Variants in UNC5D observed in about 807,000 individuals in gnomAD.
The protein encoded by UNC5D is netrin receptor UNC5D.
Under a neutral mutation model 105.4 loss-of-function variants are expected in UNC5D, and 39 were observed. The observed-to-expected ratio is 0.37, with a 90% CI of 0.29 to 0.48. The LOEUF is 0.48. UNC5D is among the 20% of genes least tolerant of loss of function. The pLI is 0.98. For synonymous variants in UNC5D, 452 were observed against 450.4 expected (o/e 1.00, Z -0.04); for missense variants, 991 against 1,202.4 (o/e 0.82, Z 2.60).
chr8:35,355,555 T>G (rs928561833), intron 1 of UNC5D, among the ~76,000 whole-genome samples: 1 of 152,078 alleles, frequency 6.6e-6, no homozygotes, highest in African/African-American at 2.4e-5. Context: ...TCAAGCAGAG[T>G]GAAGTATCCT....
intron 1 of UNC5D, among the ~76,000 whole-genome samples, chr8:35,506,447 T>C (rs752658612): frequency 3.9e-5 from 6 of 152,186 alleles, no homozygotes; most frequent in Non-Finnish European, 8.8e-5. Flanking sequence ...ATAAAGAATG[T>C]ACTAGATAGA....
chr8:35,346,482 C>T, intron 1 of UNC5D, among the ~76,000 whole-genome samples: 1 of 151,894 alleles, frequency 6.6e-6, no homozygotes, highest in East Asian at 1.9e-4. Context: ...ATAGTTGGAA[C>T]AGGGTTAATT....
At chr8:35,514,974 A>G (rs979242061) in intron 1 of UNC5D, among the ~76,000 whole-genome samples, 1 of 152,186 alleles carries the variant, frequency 6.6e-6, no homozygotes, top group Non-Finnish European at 1.5e-5. Flanking sequence ...TGAAAGTGAA[A>G]GGGTCTAATG....
intron 1 of UNC5D, among the ~76,000 whole-genome samples, chr8:35,434,978 T>C (rs1289763878): frequency 6.6e-6 from 1 of 152,110 alleles, no homozygotes; most frequent in African/African-American, 2.4e-5. Context: ...TCTGGCCATA[T>C]CTTCATCTGT....
chr8:35,547,605 ATCC>A (rs1366830518), intron 1 of UNC5D, among the ~76,000 whole-genome samples: 11 of 152,100 alleles, frequency 7.2e-5, no homozygotes, highest in Admixed American at 7.2e-4. Flanking sequence ...AGTCAGAACA[ATCC>A]TCCTGTTTTT....
At chr8:35,575,269 T>G (rs1193912936) in intron 3 of UNC5D, among the ~76,000 whole-genome samples, 1 of 152,194 alleles carries the variant, frequency 6.6e-6, no homozygotes, top group East Asian at 1.9e-4. Flanking sequence ...CAATCATGTA[T>G]ATTACCTTTG....
intron 11 of UNC5D, among the ~76,000 whole-genome samples, chr8:35,742,273 G>C (rs1027067333): frequency 9.9e-5 from 15 of 151,794 alleles, no homozygotes; most frequent in Admixed American, 7.9e-4. Context: ...AAAAGAGAGA[G>C]AGACAAATAA....
Position 35,792,683 on chromosome 8 carries a change from A to C in UNC5D, c.*2120A>C. Reference sequence around the variant, plus strand: ...GAAAGCTGCATTCACTATTGAGTAAAAACTTGTAGAAAGCACATTATAGAG... The same window carrying C: ...GAAAGCTGCATTCACTATTGAGTAACAACTTGTAGAAAGCACATTATAGAG... On this transcript the variant is annotated 3_prime_UTR_variant, in exon 17 of 17. Transcript: ENST00000404895. 1 of 194,020 alleles carries C rather than the reference A, an allele frequency of 5.2e-6. No homozygotes were observed. The highest frequency in any genetic ancestry group is 1.1e-5 in the Non-Finnish European group (1 of 94,738). The allele number at this position is 194,020 out of a possible 1,614,324, so 12.0% of individuals were successfully genotyped here. A position where few individuals can be genotyped will look rare whatever the true frequency, so the allele number is the denominator to read the frequency against.
At chr8:35,622,124 A>G (rs901079693) in intron 4 of UNC5D, among the ~76,000 whole-genome samples, 1 of 152,104 alleles carries the variant, frequency 6.6e-6, no homozygotes, top group Admixed American at 6.5e-5. Context: ...CGGGTAGATC[A>G]TGAAGTCAAG....
intron 1 of UNC5D, among the ~76,000 whole-genome samples, chr8:35,333,720 TC>T (rs1227652757): frequency 2.0e-5 from 3 of 152,178 alleles, no homozygotes; most frequent in African/African-American, 7.2e-5. Context: ...CCTCAGGTGA[TC>T]CACTAGCCTC....
chr8:35,628,979 C>T (rs749262321), intron 4 of UNC5D, among the ~76,000 whole-genome samples: 2 of 152,088 alleles, frequency 1.3e-5, no homozygotes, highest in Non-Finnish European at 2.9e-5. Context: ...AAATTCCTCT[C>T]TGGTGCTCTT....
At chr8:35,635,891 C>A (rs984224844) in intron 4 of UNC5D, among the ~76,000 whole-genome samples, 5 of 152,260 alleles carry the variant, frequency 3.3e-5, no homozygotes, top group Admixed American at 1.3e-4. Flanking sequence ...CTCAGACTCA[C>A]TGAGGTGTGC....
At chr8:35,728,348 G>A (rs1829004000) in intron 10 of UNC5D, among the ~76,000 whole-genome samples, 1 of 152,104 alleles carries the variant, frequency 6.6e-6, no homozygotes, top group Non-Finnish European at 1.5e-5. Flanking sequence ...TTCATTGGCT[G>A]TGTTTGTCGT....
chr8:35,354,242 T>G (rs913380819), intron 1 of UNC5D, among the ~76,000 whole-genome samples: 6 of 152,216 alleles, frequency 3.9e-5, no homozygotes, highest in South Asian at 4.1e-4. Context: ...TTTCTCTCTA[T>G]GCCATGTTTA....
intron 4 of UNC5D, among the ~76,000 whole-genome samples, chr8:35,608,264 C>T (rs1820443662): frequency 6.6e-6 from 1 of 152,130 alleles, no homozygotes; most frequent in Non-Finnish European, 1.5e-5. Context: ...TTCCAAGGAG[C>T]AGCTGGGGCT....
In UNC5D at chr8:35,683,696, G is replaced by C. The variant is rs758290242; in HGVS notation, c.720G>C (p.Arg240Ser). 6.4e-7 allele frequency: 1 copy of C among 1,555,080 alleles called. No homozygotes were observed. The highest frequency in any genetic ancestry group is 1.4e-5 in the African/African-American group (1 of 71,074). The part of the protein sequence containing the change: ...TCMAANIVAK[R>S]RSLSATVVVY... ...TGGCAGCCAACATCGTGGCTAAGAG[G>C]AGAAGCCTGTCGGCCACTGTTGTGG... The change falls in exon 5 of 17, where the codon AGG becomes AGC. Residue 240 changes from arginine (R) to serine (S), a missense_variant. Physicochemically the swap from Arg to Ser is moderately radical, Grantham distance 110. This residue lies in a region of UNC5D where 944 missense variants were observed against 1,131.6 expected (regional missense o/e 0.83). Transcript: ENST00000404895.
At chr8:35,780,365 CAG>C (rs1441202751) in intron 16 of UNC5D, among the ~76,000 whole-genome samples, 1 of 152,162 alleles carries the variant, frequency 6.6e-6, no homozygotes, top group African/African-American at 2.4e-5. Flanking sequence ...TAATGAGAAA[CAG>C]AATCTTCTCG....
At chr8:35,701,355 G>C (rs1827182695) in intron 7 of UNC5D, among the ~76,000 whole-genome samples, 1 of 152,144 alleles carries the variant, frequency 6.6e-6, no homozygotes, top group Non-Finnish European at 1.5e-5. Context: ...TCTATGGTTG[G>C]AGATGAACCC....
At chr8:35,700,132 C>G (rs556617923) in intron 7 of UNC5D, among the ~76,000 whole-genome samples, 138 of 152,304 alleles carry the variant, frequency 9.1e-4, no homozygotes, top group Middle Eastern at 3.4e-3. Flanking sequence ...GCCTATCTGC[C>G]AGGCCCTGGG....
Sources: gnomAD v4.1 joint callset for allele counts (sites outside exome capture counted in the v4.1 genomes callset) on GRCh38, gnomAD v4.1.1 for gene constraint, gnomAD v4.1.1 regional missense constraint, MANE v1.5 for transcripts, NCBI Gene and HGNC (gene_info 2026-07-23, HGNC 2026-07-21) for gene names.